The following ANXA11 variants were observed in gnomAD, a reference collection of about 807,000 sequenced individuals.
ANXA11 encodes the protein 56 kDa autoantigen.
Under a neutral mutation model 64.7 loss-of-function variants are expected in ANXA11, and 57 were observed. The observed-to-expected ratio is 0.88, with a 90% CI of 0.71 to 1.10. The LOEUF (loss-of-function observed/expected upper bound fraction) is 1.10. ANXA11 is among the 50% of genes least tolerant of loss of function. ANXA11 has a pLI of 0.00. For synonymous variants in ANXA11, 260 were observed against 265.2 expected, an observed-to-expected ratio of 0.98 and a Z score of 0.19; for missense variants, 675 against 670.7, an observed-to-expected ratio of 1.01 and a Z score of -0.07.
intron 1 of ANXA11, among the ~76,000 whole-genome samples, chr10:80,191,181 T>C (rs1048396224): frequency 1.3e-5 from 2 of 151,862 alleles, no homozygotes; most frequent in Non-Finnish European, 2.9e-5. Context: ...GCCGAGATCA[T>C]GCCATTGCAC....
chr10:80,157,518 G>A, intron 15 of ANXA11, 123 bp downstream of exon 15: 1 of 1,496,888 alleles, frequency 6.7e-7, no homozygotes, highest in Non-Finnish European at 8.9e-7. Context: ...CAAGTCCGAG[G>A]TCCATAATCA....
chr10:80,199,572 G>A (rs1344673754), intron 1 of ANXA11, among the ~76,000 whole-genome samples: 1 of 152,184 alleles, frequency 6.6e-6, no homozygotes. Context: ...TTGGGAAGCT[G>A]AGGTGGGCAG....
rs1840637095 is a variant in ANXA11 at position 80,205,492 on chromosome 10, G to A, written c.-207C>T. Reference sequence around the variant, plus strand: ...GGGCCCGCGGGGCACTCGGGGCACTGGGGAGCCGCGGGCGCAGCAGCCGTC... The same window carrying A: ...GGGCCCGCGGGGCACTCGGGGCACTAGGGAGCCGCGGGCGCAGCAGCCGTC... On this transcript the variant is annotated 5_prime_UTR_variant, in exon 1 of 16. Coordinates refer to ENST00000422982, the MANE Select transcript of ANXA11 (RefSeq NM_145868.2). 1 of 152,028 alleles carries A rather than the reference G, an allele frequency of 6.6e-6. No homozygotes were observed. Among genetic ancestry groups the A allele is most frequent in the South Asian group, 2.1e-4 (1 of 4,832 alleles). 9.4% of individuals were successfully genotyped at this position (152,028 alleles called of 1,614,324 possible).
intron 1 of ANXA11, among the ~76,000 whole-genome samples, chr10:80,191,097 C>T (rs1846755951): frequency 6.6e-6 from 1 of 151,988 alleles, no homozygotes; most frequent in Non-Finnish European, 1.5e-5. Flanking sequence ...TGGTGGCATG[C>T]ACCTGCAATC....
intron 2 of ANXA11, among the ~76,000 whole-genome samples, chr10:80,174,979 C>A (rs984103827): frequency 6.6e-6 from 1 of 152,174 alleles, no homozygotes; most frequent in Non-Finnish European, 1.5e-5. Context: ...CCAGAGGTGA[C>A]CGTAGGCAAA....
intron 1 of ANXA11, among the ~76,000 whole-genome samples, chr10:80,204,544 G>A (rs914981273): frequency 2.0e-5 from 3 of 152,364 alleles, no homozygotes; most frequent in Admixed American, 1.3e-4. Context: ...GGATTGGAGG[G>A]CAGAGACAGA....
rs1228935004 is a variant in ANXA11 at position 80,162,026 on chromosome 10, C to A, written c.1089G>T (p.Glu363Asp). 1 of 1,609,886 alleles carries A rather than the reference C, an allele frequency of 6.2e-7. No individual in the cohort carries two copies. Among genetic ancestry groups the A allele is most frequent in the Admixed American group, 1.7e-5 (1 of 60,002 alleles). Residue 363 changes from glutamate (E) to aspartate (D), a missense_variant and splice_region_variant, in exon 12 of 16, where the codon GAG becomes GAT. Glu to Asp is a conservative substitution (Grantham distance 45, BLOSUM62 2). Coordinates refer to ENST00000422982, the MANE Select transcript of ANXA11 (RefSeq NM_145868.2). ...DMSLAQRDAQ[E>D]LYAAGENRLG... is the part of the protein sequence containing the mutation. Reference sequence around the variant, plus strand: ...GGCGGTTCTCCCCGGCCGCATACAGCTCCTGGAGAGAGAGGAAGACGCACA... The same window carrying A: ...GGCGGTTCTCCCCGGCCGCATACAGATCCTGGAGAGAGAGGAAGACGCACA...
intron 11 of ANXA11, 44 bp downstream of exon 11, chr10:80,163,305 C>A (rs1291441708): frequency 1.2e-6 from 2 of 1,607,002 alleles, no homozygotes; most frequent in South Asian, 1.1e-5. Context: ...AAGCGGGGTG[C>A]ATCCCTGCTT....
intron 15 of ANXA11, chr10:80,157,255 C>T (rs767934346): frequency 3.6e-5 from 35 of 985,316 alleles, no homozygotes; most frequent in East Asian, 2.3e-4. Context: ...ATGTGGCCTA[C>T]GCCATAAAGC....
In ANXA11 at chr10:80,154,210, TCC is replaced by T. The variant is rs1388887725; in HGVS notation, c.*1641_*1642del. ...TCTGCCTCCTGGGTTCAAGTGATTCTCCTGCCTCAGCATCCTGTGTAGCTGGG... is the reference window on the plus strand; with the variant it reads ...TCTGCCTCCTGGGTTCAAGTGATTCTTGCCTCAGCATCCTGTGTAGCTGGG... On this transcript the variant is annotated 3_prime_UTR_variant, in exon 16 of 16. Coordinates refer to ENST00000422982, the MANE Select transcript of ANXA11 (RefSeq NM_145868.2). 4 of 152,068 alleles carry T rather than the reference TCC, an allele frequency of 2.6e-5. No individual in the cohort carries two copies. Among genetic ancestry groups the T allele is most frequent in the Non-Finnish European group, 4.4e-5 (3 of 68,098 alleles). 9.4% of individuals were successfully genotyped at this position (152,068 alleles called of 1,614,324 possible).
At chr10:80,160,256 A>G (rs1200684439) in intron 12 of ANXA11, among the ~76,000 whole-genome samples, 1 of 152,240 alleles carries the variant, frequency 6.6e-6, no homozygotes, top group African/African-American at 2.4e-5. Flanking sequence ...TACTCATTAA[A>G]AGAAATAATG....
chr10:80,170,270 T>C (rs1374477246), intron 4 of ANXA11, among the ~76,000 whole-genome samples: 1 of 152,198 alleles, frequency 6.6e-6, no homozygotes, highest in African/African-American at 2.4e-5. Context: ...GGTTGCATAA[T>C]TTCCTCTAAG....
intron 1 of ANXA11, among the ~76,000 whole-genome samples, chr10:80,180,547 C>T (rs1846317414): frequency 6.6e-6 from 1 of 152,274 alleles, no homozygotes; most frequent in East Asian, 1.9e-4. Flanking sequence ...GGCCTAACAG[C>T]AAACCAAGCA....
rs1474853164 is a variant in ANXA11, at chr10:80,184,245, A to ATT, written c.-57-8091_-57-8090insAA. ...TTAGGAACTTTAAATATAAATACATACAGATGCTCCTTGACTTATGATAGG... is the reference window on the plus strand; with the variant it reads ...TTAGGAACTTTAAATATAAATACATATTCAGATGCTCCTTGACTTATGATAGG... On this transcript the variant is annotated intron_variant, in intron 1 of 15. Coordinates refer to ENST00000422982, the MANE Select transcript of ANXA11 (RefSeq NM_145868.2). Among the ~76,000 whole-genome samples the ATT allele has an allele frequency of 3.3e-5, 5 of 152,224 alleles. No individual in the cohort carries two copies. In the East Asian group the frequency reaches 9.6e-4, roughly 29 times the overall value.
Position 80,155,775 on chromosome 10 carries a change from A to G in ANXA11, c.*78T>C. On this transcript the variant is annotated 3_prime_UTR_variant, in exon 16 of 16. Coordinates refer to ENST00000422982, the MANE Select transcript of ANXA11 (RefSeq NM_145868.2). ...TCTCGGGGCTATTTGTGGATTTGTT[A>G]GAAACAGACATTCTTTTGGCCTTTT... is the stretch of plus-strand genomic sequence containing the variant. The G allele has an allele frequency of 7.3e-7, 1 of 1,373,658 alleles. No homozygotes were observed. The highest frequency in any genetic ancestry group is 1.0e-6 in the Non-Finnish European group (1 of 962,682). 85.1% of individuals were successfully genotyped at this position (1,373,658 alleles called of 1,614,324 possible). A position where few individuals can be genotyped will look rare whatever the true frequency, so the allele number is the denominator to read the frequency against.
chr10:80,176,383 C>T (rs1680081367), intron 1 of ANXA11, among the ~76,000 whole-genome samples: 1 of 152,114 alleles, frequency 6.6e-6, no homozygotes, highest in African/African-American at 2.4e-5. Context: ...AACCCAGAAA[C>T]ATACAAACTA....
chr10:80,199,098 T>C (rs918307702), intron 1 of ANXA11, among the ~76,000 whole-genome samples: 1 of 149,418 alleles, frequency 6.7e-6, no homozygotes, highest in South Asian at 2.1e-4. Context: ...AGATAAACTT[T>C]TTTTTTTTTT....
intron 1 of ANXA11, chr10:80,180,858 C>T (rs971454682): frequency 4.6e-5 from 7 of 152,136 alleles, no homozygotes; most frequent in African/African-American, 1.2e-4. Flanking sequence ...TCTACCCTCA[C>T]GAATGGATTA....
intron 4 of ANXA11, among the ~76,000 whole-genome samples, chr10:80,170,112 A>C (rs1216794043): frequency 6.6e-6 from 1 of 151,912 alleles, no homozygotes; most frequent in Non-Finnish European, 1.5e-5. Context: ...TGGCACCTAC[A>C]CTTTCAATAA....
Sources: gnomAD v4.1 joint callset for allele counts (sites outside exome capture counted in the v4.1 genomes callset) on GRCh38, gnomAD v4.1.1 for gene constraint, MANE v1.5 for transcripts, NCBI Gene and HGNC (gene_info 2026-07-23, HGNC 2026-07-21) for gene names.